Variants in GRHL2 observed in about 807,000 individuals in gnomAD.
GRHL2 encodes the protein grainyhead-like protein 2 homolog.
GRHL2 carries 21 observed loss-of-function variants against 83.8 expected under a neutral mutation model. That is an observed-to-expected ratio of 0.25 (90% CI 0.18 to 0.36). The LOEUF (loss-of-function observed/expected upper bound fraction) is 0.36. Ranked by LOEUF, GRHL2 falls within the 10% of genes least tolerant of loss-of-function variation. The pLI is 1.00. For missense variants in GRHL2, 623 were observed against 781.8 expected (o/e 0.80, Z 2.42); for synonymous variants, 280 against 278.9 (o/e 1.00, Z -0.04).
intron 14 of GRHL2, among the ~76,000 whole-genome samples, chr8:101,663,932 A>G (rs920546657): frequency 4.7e-5 from 7 of 150,250 alleles, no homozygotes; most frequent in African/African-American, 1.7e-4. Flanking sequence ...CTGCGTTTTT[A>G]AAGTTGTGTT....
chr8:101,643,996 A>G, intron 12 of GRHL2, 135 bp from the exon 13 acceptor site: 1 of 739,632 alleles, frequency 1.4e-6, no homozygotes, highest in Non-Finnish European at 2.4e-6. Context: ...GGGAAGAAGG[A>G]GGTTGGTGAG....
rs1811799478 is a variant in GRHL2, at chr8:101,570,452, AC to A, written c.734+60del. The A allele has an allele frequency of 5.2e-6, 7 of 1,353,366 alleles. No individual in the cohort carries two copies. In the Middle Eastern group the frequency reaches 8.9e-4, roughly 171 times the overall value. 83.8% of individuals were successfully genotyped at this position (1,353,366 alleles called of 1,614,324 possible). On this transcript the variant is annotated intron_variant, in intron 5 of 15. Transcript: ENST00000646743. ...GATTAACTGATAAACCTTTAAATGT[AC>A]CTTCGAGTTATACCTTTAAACCTTT...
At chr8:101,609,404 C>T (rs1389195383) in intron 8 of GRHL2, among the ~76,000 whole-genome samples, 1 of 151,016 alleles carries the variant, frequency 6.6e-6, no homozygotes, top group African/African-American at 2.5e-5. Context: ...GCCCTTTAAC[C>T]TGTGTTTCAG....
In GRHL2 at chr8:101,607,194, T is replaced by A. The variant is rs116322120; in HGVS notation, c.1098+8043T>A. Among the ~76,000 whole-genome samples the A allele has an allele frequency of 3.8e-3, 582 of 152,360 alleles. 6 individuals are homozygous for A. Among genetic ancestry groups the A allele is most frequent in the African/African-American group, 0.013 (540 of 41,590 alleles). On this transcript the variant is annotated intron_variant, in intron 8 of 15. Transcript: ENST00000646743. Reference sequence around the variant, plus strand: ...TCCATTGTGTGCCAAGCACAGTTCTTTTGAAAATTAAAGTTTTGATAGTCT... The same window carrying A: ...TCCATTGTGTGCCAAGCACAGTTCTATTGAAAATTAAAGTTTTGATAGTCT...
At chr8:101,642,547 CGTTACACA>C (rs1298339698) in intron 12 of GRHL2, among the ~76,000 whole-genome samples, 3 of 152,088 alleles carry the variant, frequency 2.0e-5, no homozygotes, top group South Asian at 2.1e-4. Context: ...AGTTCCAAGA[CGTTACACA>C]GTAACGTGAC....
chr8:101,558,362 G>A (rs917832431), intron 3 of GRHL2, 57 bp from the exon 4 acceptor site: 37 of 1,590,010 alleles, frequency 2.3e-5, no homozygotes, highest in Middle Eastern at 2.0e-4. Flanking sequence ...TCTATTAGGC[G>A]TTGCCGAATG....
At chr8:101,635,514 T>C (rs1813267603) in intron 11 of GRHL2, among the ~76,000 whole-genome samples, 1 of 152,188 alleles carries the variant, frequency 6.6e-6, no homozygotes, top group African/African-American at 2.4e-5. Flanking sequence ...CACTATGCCA[T>C]GTTTAAAGAA....
At position 101,492,688 on chromosome 8, in the gene GRHL2, C is replaced by T. The variant is rs1809988794; in HGVS notation, c.-82C>T. ...TGCCATCTCGGGCGCTCTCACACAC[C>T]TTCACCTGCACAGACTTGAAAGTCC... On this transcript the variant is annotated 5_prime_UTR_variant, in exon 1 of 16. Transcript: ENST00000646743. The T allele has an allele frequency of 2.4e-6, 3 of 1,269,970 alleles. No homozygotes were observed. The highest frequency in any genetic ancestry group is 4.6e-5 in the East Asian group (2 of 43,400). The allele number at this position is 1,269,970 out of a possible 1,614,324, so 78.7% of individuals were successfully genotyped here.
intron 15 of GRHL2, among the ~76,000 whole-genome samples, chr8:101,666,091 C>A (rs948996185): frequency 3.9e-5 from 6 of 152,200 alleles, no homozygotes; most frequent in Non-Finnish European, 7.3e-5. Context: ...ATGACACCTA[C>A]CTTCACAGTT....
chr8:101,604,350 C>T (rs1812585992), intron 8 of GRHL2, among the ~76,000 whole-genome samples: 1 of 152,018 alleles, frequency 6.6e-6, no homozygotes, highest in Admixed American at 6.6e-5. Flanking sequence ...ATGACATCAC[C>T]CCCAGAGCAG....
intron 13 of GRHL2, among the ~76,000 whole-genome samples, chr8:101,647,086 T>C (rs74307414): frequency 0.012 from 1,771 of 152,326 alleles, 68 homozygotes; most frequent in South Asian, 0.11. Flanking sequence ...GTACTCATAA[T>C]AGAAAATGGT....
At chr8:101,533,835 G>A (rs1201558416) in intron 1 of GRHL2, among the ~76,000 whole-genome samples, 2 of 152,124 alleles carry the variant, frequency 1.3e-5, no homozygotes, top group Non-Finnish European at 1.5e-5. Context: ...CTTAAGGTGG[G>A]ACCAGTGCAG....
chr8:101,631,235 C>T (rs1813180160), intron 9 of GRHL2, among the ~76,000 whole-genome samples: 1 of 152,152 alleles, frequency 6.6e-6, no homozygotes. Context: ...CACTTTAAAG[C>T]CCTCTCCATG....
At chr8:101,567,783 A>G (rs1451297230) in intron 4 of GRHL2, among the ~76,000 whole-genome samples, 1 of 152,212 alleles carries the variant, frequency 6.6e-6, no homozygotes, top group Non-Finnish European at 1.5e-5. Flanking sequence ...TTCTCATGCC[A>G]TCTGGGGGAT....
intron 1 of GRHL2, among the ~76,000 whole-genome samples, chr8:101,509,218 T>G (rs1250397534): frequency 1.5e-5 from 2 of 132,876 alleles, no homozygotes; most frequent in African/African-American, 6.3e-5. Context: ...CTTGTGTGTG[T>G]GTGTGTGTGT....
At chr8:101,567,446 A>T (rs891463628) in intron 4 of GRHL2, among the ~76,000 whole-genome samples, 2 of 152,244 alleles carry the variant, frequency 1.3e-5, no homozygotes, top group Admixed American at 6.5e-5. Flanking sequence ...ATACTAATTT[A>T]CTTACAGCCA....
chr8:101,631,151 CTTTCA>C (rs1324860352), intron 9 of GRHL2, among the ~76,000 whole-genome samples: 1 of 152,156 alleles, frequency 6.6e-6, no homozygotes, highest in Non-Finnish European at 1.5e-5. Context: ...CTTATGGCTT[CTTTCA>C]TTTCCACCAC....
intron 2 of GRHL2, among the ~76,000 whole-genome samples, chr8:101,551,071 G>T (rs1281095662): frequency 6.6e-6 from 1 of 152,118 alleles, no homozygotes; most frequent in Non-Finnish European, 1.5e-5. Flanking sequence ...ATGAACACAG[G>T]TGTGTTGAGT....
chr8:101,514,390 T>G (rs1810526359), intron 1 of GRHL2, among the ~76,000 whole-genome samples: 2 of 152,164 alleles, frequency 1.3e-5, no homozygotes, highest in Non-Finnish European at 2.9e-5. Context: ...ACTAAGGGAA[T>G]GCACCTGTGA....
Sources: gnomAD v4.1 joint callset for allele counts (sites outside exome capture counted in the v4.1 genomes callset) on GRCh38, gnomAD v4.1.1 for gene constraint, MANE v1.5 for transcripts, NCBI Gene and HGNC (gene_info 2026-07-23, HGNC 2026-07-21) for gene names.